The following CDH12 variants were observed in gnomAD, a reference collection of about 807,000 sequenced individuals.
The protein encoded by CDH12 is cadherin-12.
A neutral mutation model predicts 74.1 loss-of-function variants in CDH12; 41 were observed. The ratio of observed to expected loss-of-function variants is 0.55; its 90% CI spans 0.43 to 0.72. The LOEUF (loss-of-function observed/expected upper bound fraction) is 0.72, where lower values mean the gene tolerates loss of function less well. Among genes scored for constraint, CDH12 ranks in the 30% least tolerant of loss-of-function variants. The pLI is 0.00. For missense variants in CDH12, 945 were observed against 977.2 expected (o/e 0.97, Z 0.44); for synonymous variants, 399 against 355.0 (o/e 1.12, Z -1.39).
At chr5:22,426,604 GTTAT>G (rs1743951758) in intron 2 of CDH12, among the ~76,000 whole-genome samples, 1 of 152,058 alleles carries the variant, frequency 6.6e-6, no homozygotes, top group Non-Finnish European at 1.5e-5. Flanking sequence ...ATATACTGGA[GTTAT>G]TTAGTGTAGC....
At chr5:21,828,075 A>C (rs1193141338) in intron 8 of CDH12, among the ~76,000 whole-genome samples, 1 of 152,140 alleles carries the variant, frequency 6.6e-6, no homozygotes, top group South Asian at 2.1e-4. Context: ...TTTTTTCATA[A>C]ATTATAAATA....
At chr5:22,108,537 A>G (rs1236974333) in intron 4 of CDH12, among the ~76,000 whole-genome samples, 1 of 152,264 alleles carries the variant, frequency 6.6e-6, no homozygotes, top group Admixed American at 6.5e-5. Context: ...GGATGAAGAT[A>G]AAATACCATA....
chr5:21,998,609 A>G (rs1425515354), intron 5 of CDH12, among the ~76,000 whole-genome samples: 1 of 152,162 alleles, frequency 6.6e-6, no homozygotes, highest in African/African-American at 2.4e-5. Flanking sequence ...CTTCTTCCTT[A>G]TAATTGGCTG....
intron 5 of CDH12, among the ~76,000 whole-genome samples, chr5:22,059,391 CT>C (rs1179904739): frequency 7.5e-5 from 5 of 66,364 alleles, no homozygotes; most frequent in African/African-American, 1.6e-4. Flanking sequence ...ATCTATCTAT[CT>C]ATGTATCTAC....
At chr5:22,816,900 G>A (rs1440125052) in intron 1 of CDH12, among the ~76,000 whole-genome samples, 1 of 152,164 alleles carries the variant, frequency 6.6e-6, no homozygotes, top group African/African-American at 2.4e-5. Flanking sequence ...TAGGAAAGAA[G>A]TAGATATGAT....
intron 2 of CDH12, among the ~76,000 whole-genome samples, chr5:22,427,611 T>A (rs1287282812): frequency 6.6e-6 from 1 of 152,248 alleles, no homozygotes; most frequent in South Asian, 2.1e-4. Context: ...AGTAGATACA[T>A]TGACTTTTAT....
chr5:22,105,061 C>T (rs1046475001), intron 4 of CDH12, among the ~76,000 whole-genome samples: 8 of 151,850 alleles, frequency 5.3e-5, no homozygotes, highest in African/African-American at 7.3e-5. Context: ...TTTCCCTGCG[C>T]GTATGTCTGT....
chr5:22,497,957 C>A (rs1298863683), intron 2 of CDH12, among the ~76,000 whole-genome samples: 1 of 151,894 alleles, frequency 6.6e-6, no homozygotes, highest in Non-Finnish European at 1.5e-5. Flanking sequence ...CCAGCTGAAC[C>A]TCTTCTATAA....
intron 1 of CDH12, among the ~76,000 whole-genome samples, chr5:22,660,076 A>G (rs779220573): frequency 9.9e-5 from 15 of 152,188 alleles, no homozygotes; most frequent in Non-Finnish European, 2.1e-4. Flanking sequence ...TCATGCTTTC[A>G]AGGAAAATAA....
At chr5:22,658,173 A>G (rs1740153826) in intron 1 of CDH12, among the ~76,000 whole-genome samples, 1 of 152,150 alleles carries the variant, frequency 6.6e-6, no homozygotes, top group South Asian at 2.1e-4. Flanking sequence ...CTAGTTTTCC[A>G]TGGCTATCAT....
chr5:22,741,566 A>G (rs1745026177), intron 1 of CDH12, among the ~76,000 whole-genome samples: 1 of 152,166 alleles, frequency 6.6e-6, no homozygotes, highest in African/African-American at 2.4e-5. Context: ...TTCAGCCTCC[A>G]TCATCTCATG....
At chr5:22,525,618 G>T (rs1332670788) in intron 1 of CDH12, among the ~76,000 whole-genome samples, 1 of 152,068 alleles carries the variant, frequency 6.6e-6, no homozygotes, top group Non-Finnish European at 1.5e-5. Flanking sequence ...TCAATAACTG[G>T]AATGTAACTC....
chr5:22,296,987 TC>T (rs1737654491), intron 3 of CDH12, among the ~76,000 whole-genome samples: 1 of 102,228 alleles, frequency 9.8e-6, no homozygotes, highest in Non-Finnish European at 2.4e-5. Context: ...TTCTTTTCTT[TC>T]TTTCTTTTTT....
chr5:22,208,916 A>G (rs749932252), intron 4 of CDH12, among the ~76,000 whole-genome samples: 6 of 152,222 alleles, frequency 3.9e-5, no homozygotes, highest in Admixed American at 1.3e-4. Context: ...CTTATACACA[A>G]TTAGGATAAG....
rs1391921562 is a variant in CDH12, at chr5:21,833,191, ATATAATATATATAT to A, written c.814+8956_814+8969del. On this transcript the variant is annotated intron_variant, in intron 8 of 14. Transcript: ENST00000382254. The stretch of plus-strand genomic sequence containing the variant: ...ATATTATAAATATATATTATATAAC[ATATAATATATATAT>A]TATAATATATATTATATGTTATATA... 3.5e-4 allele frequency among the ~76,000 whole-genome samples: 15 copies of A among 43,290 alleles called. 4 individuals carry two copies. The highest frequency in any genetic ancestry group is 3.1e-3 in the African/African-American group (14 of 4,468). The allele number at this position is 43,290 out of a possible 152,430, so 28.4% of individuals were successfully genotyped here. A position where few individuals can be genotyped will look rare whatever the true frequency, so the allele number is the denominator to read the frequency against.
intron 2 of CDH12, among the ~76,000 whole-genome samples, chr5:22,502,613 C>A (rs1453841470): frequency 6.6e-6 from 1 of 151,410 alleles, no homozygotes; most frequent in Admixed American, 6.6e-5. Flanking sequence ...TATAATCTCC[C>A]AGTCTATTGC....
At chr5:21,856,175 C>A (rs1750745396) in intron 6 of CDH12, among the ~76,000 whole-genome samples, 1 of 151,550 alleles carries the variant, frequency 6.6e-6, no homozygotes, top group African/African-American at 2.4e-5. Context: ...ACAATTTGAC[C>A]AATGTTTATT....
At chr5:21,810,237 T>A (rs1382927869) in intron 9 of CDH12, among the ~76,000 whole-genome samples, 3 of 152,118 alleles carry the variant, frequency 2.0e-5, no homozygotes, top group South Asian at 4.1e-4. Flanking sequence ...AACGTCTAAA[T>A]AGATTTCTTT....
At chr5:22,315,969 C>G (rs551087894) in intron 3 of CDH12, among the ~76,000 whole-genome samples, 24 of 152,006 alleles carry the variant, frequency 1.6e-4, no homozygotes, top group East Asian at 9.7e-4. Flanking sequence ...TAAATAGGAA[C>G]AAGATCAGCC....
Sources: allele counts gnomAD v4.1 joint callset (sites outside exome capture counted in the v4.1 genomes callset), GRCh38; gene constraint gnomAD v4.1.1; transcripts MANE v1.5; gene names NCBI Gene and HGNC (gene_info 2026-07-23, HGNC 2026-07-21).